Variants in SCYL3 observed in about 807,000 individuals in gnomAD.
SCYL3 encodes the protein SCY1 like pseudokinase 3, also known as protein-associating with the carboxyl-terminal domain of ezrin.
A neutral mutation model predicts 73.8 loss-of-function variants in SCYL3; 35 were observed. That is an observed-to-expected ratio of 0.47 (90% CI 0.36 to 0.63). The LOEUF (loss-of-function observed/expected upper bound fraction) is 0.63, where lower values mean the gene tolerates loss of function less well. SCYL3 is among the 20% of genes least tolerant of loss of function. SCYL3 has a pLI of 0.00. For synonymous variants in SCYL3, 277 were observed against 295.2 expected (o/e 0.94, Z 0.63); for missense variants, 712 against 798.9 (o/e 0.89, Z 1.31).
intron 4 of SCYL3, 78 bp from the exon 5 acceptor site, chr1:169,873,830 G>A (rs1260866981): frequency 1.0e-6 from 1 of 959,628 alleles, no homozygotes; most frequent in Admixed American, 2.0e-5. Context: ...GGTTACATAA[G>A]CAATGAGCAA....
intron 1 of SCYL3, among the ~76,000 whole-genome samples, chr1:169,890,372 T>C (rs1198198404): frequency 6.6e-6 from 1 of 152,236 alleles, no homozygotes; most frequent in African/African-American, 2.4e-5. Context: ...TCTTACTAAC[T>C]CTGGCAATGT....
At chr1:169,858,717 G>A (rs1496) in intron 11 of SCYL3, among the ~76,000 whole-genome samples, 10,134 of 151,788 alleles carry the variant, frequency 0.067, 432 homozygotes, top group Non-Finnish European at 0.099. Context: ...CAATTTTTCA[G>A]CTCCATTATA....
chr1:169,889,270 G>A (rs902915402), intron 1 of SCYL3, among the ~76,000 whole-genome samples: 5 of 152,112 alleles, frequency 3.3e-5, no homozygotes, highest in African/African-American at 1.2e-4. Context: ...TAAAACTTCT[G>A]TATGTAGAAA....
At chr1:169,889,810 T>A (rs1661944620) in intron 1 of SCYL3, among the ~76,000 whole-genome samples, 1 of 152,238 alleles carries the variant, frequency 6.6e-6, no homozygotes, top group South Asian at 2.1e-4. Flanking sequence ...GTACACTTTT[T>A]TCATTTATTC....
intron 12 of SCYL3, 94 bp from the exon 13 acceptor site, chr1:169,853,866 C>T: frequency 7.2e-7 from 1 of 1,386,678 alleles, no homozygotes; most frequent in East Asian, 2.3e-5. Flanking sequence ...TAAAATTTAT[C>T]TTTTGATGCC....
intron 2 of SCYL3, among the ~76,000 whole-genome samples, chr1:169,887,666 A>C (rs997910500): frequency 2.6e-5 from 4 of 152,234 alleles, no homozygotes; most frequent in Non-Finnish European, 5.9e-5. Context: ...AAAATTACCT[A>C]GCAAGAAAAC....
At chr1:169,870,486 A>G in intron 5 of SCYL3, 129 bp from the exon 6 acceptor site, 1 of 644,468 alleles carries the variant, frequency 1.6e-6, no homozygotes, top group East Asian at 2.9e-5. Context: ...CCACACATGA[A>G]TGTATAGATT....
rs73024217 is a variant in SCYL3 at position 169,855,265 on chromosome 1, C to T, written c.1313-301G>A. Among the ~76,000 whole-genome samples, 539 of 152,304 alleles carry T rather than the reference C, an allele frequency of 3.5e-3. 4 individuals carry two copies. Among genetic ancestry groups the T allele is most frequent in the African/African-American group, 0.012 (499 of 41,566 alleles). On this transcript the variant is annotated intron_variant, in intron 11 of 12. Coordinates refer to ENST00000367771, the MANE Select transcript of SCYL3 (RefSeq NM_020423.7). ...ATATTCACATAAATATAGAAATGCT[C>T]TAAGCCAGGCAGTGTTATCCTTGGG...
intron 5 of SCYL3, among the ~76,000 whole-genome samples, chr1:169,870,831 C>T (rs780924379): frequency 2.5e-4 from 38 of 151,966 alleles, no homozygotes; most frequent in African/African-American, 7.3e-4. Flanking sequence ...TTTAAAAACA[C>T]TAGTATATAT....
intron 12 of SCYL3, 167 bp downstream of exon 12, chr1:169,854,103 G>A: frequency 1.6e-6 from 1 of 606,072 alleles, no homozygotes; most frequent in Non-Finnish European, 2.8e-6. Flanking sequence ...ACATTTTTCT[G>A]GGGGAAGGAA....
At chr1:169,891,963 T>TA (rs1240519558) in intron 1 of SCYL3, among the ~76,000 whole-genome samples, 7 of 152,172 alleles carry the variant, frequency 4.6e-5, no homozygotes, top group Non-Finnish European at 8.8e-5. Context: ...GGTCTAAGAC[T>TA]AAAAAAATCA....
At chr1:169,890,625 T>C (rs1662017484) in intron 1 of SCYL3, among the ~76,000 whole-genome samples, 2 of 152,244 alleles carry the variant, frequency 1.3e-5, no homozygotes, top group Admixed American at 1.3e-4. Flanking sequence ...ACCATCGTTA[T>C]ATAAGAAACA....
In SCYL3 at chr1:169,851,955, A is replaced by C; in HGVS notation, c.*1758T>G. ...TTTACAGGTATGGGCTGATTTCAAT[A>C]GGGGCCAAACTTTAACAAGGCAAAT... On this transcript the variant is annotated 3_prime_UTR_variant, in exon 13 of 13. Transcript: ENST00000367771. 1.2e-6 allele frequency: 2 copies of C among 1,613,958 alleles called. No individual in the cohort carries two copies. The highest frequency in any genetic ancestry group is 1.7e-6 in the Non-Finnish European group (2 of 1,179,874).
At chr1:169,886,176 C>CT (rs1246059594) in intron 2 of SCYL3, among the ~76,000 whole-genome samples, 4 of 151,918 alleles carry the variant, frequency 2.6e-5, no homozygotes, top group African/African-American at 9.7e-5. Flanking sequence ...CTGGGTGTGT[C>CT]GGCGCGTGCC....
chr1:169,856,811 C>T (rs905393734), intron 11 of SCYL3, among the ~76,000 whole-genome samples: 1 of 152,170 alleles, frequency 6.6e-6, no homozygotes, highest in Non-Finnish European at 1.5e-5. Flanking sequence ...GCAGCCATGA[C>T]GCTGGTTTCA....
chr1:169,877,463 A>G (rs1660931329), intron 3 of SCYL3, among the ~76,000 whole-genome samples: 1 of 152,196 alleles, frequency 6.6e-6, no homozygotes, highest in Admixed American at 6.5e-5. Context: ...TGGCCAAAAG[A>G]GCACTTTAAA....
chr1:169,891,346 A>T (rs1662073729), intron 1 of SCYL3, among the ~76,000 whole-genome samples: 1 of 152,164 alleles, frequency 6.6e-6, no homozygotes, highest in Non-Finnish European at 1.5e-5. Context: ...GCCCAGCCTC[A>T]AATCTAATTC....
chr1:169,870,888 C>T (rs1007137777), intron 5 of SCYL3, among the ~76,000 whole-genome samples: 1 of 151,868 alleles, frequency 6.6e-6, no homozygotes, highest in African/African-American at 2.4e-5. Context: ...AGTCTTAGGT[C>T]TATACTTAAG....
intron 3 of SCYL3, among the ~76,000 whole-genome samples, chr1:169,878,262 G>A (rs1210780525): frequency 6.6e-6 from 1 of 152,174 alleles, no homozygotes; most frequent in African/African-American, 2.4e-5. Flanking sequence ...CACAACTCCT[G>A]AAAACAAATA....
Sources: gnomAD v4.1 joint callset for allele counts (sites outside exome capture counted in the v4.1 genomes callset) on GRCh38, gnomAD v4.1.1 for gene constraint, MANE v1.5 for transcripts, NCBI Gene and HGNC (gene_info 2026-07-23, HGNC 2026-07-21) for gene names.